Variants in UBR3 observed in about 807,000 individuals in gnomAD.
UBR3 encodes the protein E3 ubiquitin-protein ligase UBR3.
A neutral mutation model predicts 243.2 loss-of-function variants in UBR3; 85 were observed. That is an observed-to-expected ratio of 0.35 (90% CI 0.29 to 0.42). UBR3 has a LOEUF of 0.42. Ranked by LOEUF, UBR3 falls within the 10% of genes least tolerant of loss-of-function variation. The pLI, the probability that UBR3 is intolerant of heterozygous loss-of-function variation, is 1.00. For missense variants in UBR3, 1,686 were observed against 2,300.8 expected (o/e 0.73, Z 5.47); for synonymous variants, 748 against 799.8 (o/e 0.94, Z 1.09).
intron 27 of UBR3, among the ~76,000 whole-genome samples, chr2:170,001,939 A>AAAAAAAAAAAAAAAAAAAAAAAAG (rs1553531165): frequency 1.7e-5 from 2 of 116,218 alleles, no homozygotes; most frequent in Admixed American, 9.0e-5. Context: ...AAAAAAAAAA[A>AAAAAAAAAAAAAAAAAAAAAAAAG]AAAGAAAGAA....
chr2:169,906,292 C>T (rs1270060499), intron 10 of UBR3, 128 bp downstream of exon 10: 2 of 1,111,322 alleles, frequency 1.8e-6, no homozygotes, highest in Non-Finnish European at 1.2e-6. Context: ...TTTATGAAAA[C>T]TGACCTGAGA....
At chr2:170,028,810 T>G (rs2090598528) in intron 30 of UBR3, among the ~76,000 whole-genome samples, 1 of 151,688 alleles carries the variant, frequency 6.6e-6, no homozygotes, top group Non-Finnish European at 1.5e-5. Context: ...TAAATTTAAA[T>G]AGTTGGAATT....
intron 26 of UBR3, among the ~76,000 whole-genome samples, chr2:169,996,075 G>C (rs1349891208): frequency 2.0e-5 from 3 of 152,184 alleles, no homozygotes; most frequent in Admixed American, 6.5e-5. Flanking sequence ...GGTTGAAGTG[G>C]AAGAAATTAG....
chr2:169,859,110 G>A (rs2082993552), intron 1 of UBR3, among the ~76,000 whole-genome samples: 1 of 120,796 alleles, frequency 8.3e-6, no homozygotes, highest in South Asian at 2.7e-4. Flanking sequence ...TTTTGAGATG[G>A]AGTCTTGCTC....
At position 169,838,384 on chromosome 2, in the gene UBR3, CATTTGTGTGTGTGTGTGTGTGTGT is replaced by C. The variant is rs1246343659; in HGVS notation, c.545+10333_545+10356del. Among the ~76,000 whole-genome samples the C allele has an allele frequency of 7.0e-4, 94 of 133,632 alleles. 1 individual carries two copies. Among genetic ancestry groups the C allele is most frequent in the Non-Finnish European group, 3.8e-4 (24 of 63,592 alleles). The allele number at this position is 133,632 out of a possible 152,430, so 87.7% of individuals were successfully genotyped here. ...GAAGCTGGGAAGTCCAAGATTAAGGCATTTGTGTGTGTGTGTGTGTGTGTGTGTGTGTGTGTGTGTGTGTGTGTG... is the reference window on the plus strand; with the variant it reads ...GAAGCTGGGAAGTCCAAGATTAAGGCGTGTGTGTGTGTGTGTGTGTGTGTG... On this transcript the variant is annotated intron_variant, in intron 1 of 38. Transcript: ENST00000272793.
At chr2:170,065,678 C>CT (rs1403374196) in intron 35 of UBR3, among the ~76,000 whole-genome samples, 2 of 151,936 alleles carry the variant, frequency 1.3e-5, no homozygotes, top group Middle Eastern at 3.2e-3. Context: ...TAAATGATAT[C>CT]TTCTGTTACA....
chr2:169,940,710 C>T (rs1256680152), intron 19 of UBR3, among the ~76,000 whole-genome samples: 4 of 152,088 alleles, frequency 2.6e-5, no homozygotes, highest in Non-Finnish European at 5.9e-5. Flanking sequence ...TTGTCGTTTT[C>T]TCTGTGTAAT....
intron 14 of UBR3, 28 bp downstream of exon 14, chr2:169,925,775 C>A: frequency 3.3e-6 from 5 of 1,515,820 alleles, no homozygotes; most frequent in Non-Finnish European, 3.5e-6. Context: ...TGCAGATATA[C>A]TTTAGAAGTG....
intron 11 of UBR3, among the ~76,000 whole-genome samples, chr2:169,915,168 A>G (rs73013717): frequency 0.043 from 6,559 of 151,978 alleles, 163 homozygotes; most frequent in Middle Eastern, 0.068. Flanking sequence ...TCAGAATTGC[A>G]TTTTGTTATC....
intron 30 of UBR3, among the ~76,000 whole-genome samples, chr2:170,020,423 A>C (rs2090358889): frequency 6.6e-6 from 1 of 152,206 alleles, no homozygotes; most frequent in Non-Finnish European, 1.5e-5. Flanking sequence ...AACATGAAAG[A>C]TACATATGTG....
intron 5 of UBR3, among the ~76,000 whole-genome samples, chr2:169,886,376 G>A (rs556749982): frequency 3.9e-5 from 6 of 152,180 alleles, no homozygotes; most frequent in African/African-American, 1.4e-4. Flanking sequence ...ACTTCCAATC[G>A]TAGGGAGCTT....
At chr2:169,829,624 C>T (rs1302605933) in intron 1 of UBR3, among the ~76,000 whole-genome samples, 2 of 152,000 alleles carry the variant, frequency 1.3e-5, no homozygotes, top group African/African-American at 4.8e-5. Flanking sequence ...AGGGTTTCTC[C>T]ATGTCGGTCA....
intron 26 of UBR3, 35 bp downstream of exon 26, chr2:169,994,491 C>T: frequency 6.4e-7 from 1 of 1,566,290 alleles, no homozygotes; most frequent in South Asian, 1.2e-5. Flanking sequence ...CTTTTGTCTG[C>T]CAAGTTGATG....
At chr2:169,905,005 G>T in intron 8 of UBR3, 109 bp from the exon 9 acceptor site, 1 of 871,774 alleles carries the variant, frequency 1.1e-6, no homozygotes. Context: ...GGAAGGCTGG[G>T]GTTTGAATTT....
intron 32 of UBR3, among the ~76,000 whole-genome samples, chr2:170,042,959 C>G (rs1390551274): frequency 6.6e-6 from 1 of 151,914 alleles, no homozygotes; most frequent in African/African-American, 2.4e-5. Context: ...GTTTCAAATT[C>G]TTTAGGCTTT....
At chr2:169,979,380 A>G (rs1427694428) in intron 24 of UBR3, among the ~76,000 whole-genome samples, 4 of 152,212 alleles carry the variant, frequency 2.6e-5, no homozygotes, top group Admixed American at 2.0e-4. Context: ...CATATGATCC[A>G]TCACTTGTGC....
At chr2:170,001,934 AAAAAAAAAG>A (rs1559175155) in intron 27 of UBR3, among the ~76,000 whole-genome samples, 10 of 124,872 alleles carry the variant, frequency 8.0e-5, no homozygotes, top group African/African-American at 2.0e-4. Flanking sequence ...AAAAAAAAAA[AAAAAAAAAG>A]AAAGAAAAAT....
At chr2:169,980,045 A>G (rs1284240429) in intron 24 of UBR3, among the ~76,000 whole-genome samples, 1 of 152,244 alleles carries the variant, frequency 6.6e-6, no homozygotes, top group African/African-American at 2.4e-5. Flanking sequence ...GGAAATAAAT[A>G]GCAACAATAA....
chr2:169,934,727 G>T (rs900194564), intron 19 of UBR3, among the ~76,000 whole-genome samples: 5 of 152,158 alleles, frequency 3.3e-5, no homozygotes, highest in African/African-American at 1.2e-4. Flanking sequence ...TCTGTGCCAG[G>T]CACTTTAAAG....
Sources: gnomAD v4.1 joint callset for allele counts (sites outside exome capture counted in the v4.1 genomes callset) on GRCh38, gnomAD v4.1.1 for gene constraint, MANE v1.5 for transcripts, NCBI Gene and HGNC (gene_info 2026-07-23, HGNC 2026-07-21) for gene names.